Variants in RANBP17 observed in about 807,000 individuals in gnomAD.
RANBP17 encodes ran-binding protein 17.
Under a neutral mutation model 141.2 loss-of-function variants are expected in RANBP17, and 158 were observed. The ratio of observed to expected loss-of-function variants is 1.12; its 90% CI spans 0.98 to 1.28. The LOEUF (loss-of-function observed/expected upper bound fraction) is 1.28, where lower values mean the gene tolerates loss of function less well. RANBP17 is among the 50% of genes most tolerant of loss of function. The probability of loss-of-function intolerance (pLI) is 0.00; values close to 1 mark genes in which losing one functional copy is unlikely to be tolerated. For synonymous variants in RANBP17, 430 were observed against 450.0 expected, an observed-to-expected ratio of 0.96 and a Z score of 0.56; for missense variants, 1,438 against 1,290.7, an observed-to-expected ratio of 1.11 and a Z score of -1.75.
intron 14 of RANBP17, among the ~76,000 whole-genome samples, chr5:171,011,327 T>C (rs1780019179): frequency 6.6e-6 from 1 of 152,052 alleles, no homozygotes; most frequent in Non-Finnish European, 1.5e-5. Context: ...TGACCAGGTA[T>C]CATATGAGGA....
intron 14 of RANBP17, among the ~76,000 whole-genome samples, chr5:171,033,275 C>A (rs1468192998): frequency 3.3e-5 from 5 of 152,088 alleles, no homozygotes; most frequent in Non-Finnish European, 5.9e-5. Context: ...GGTCTTCACG[C>A]TCTTCAGTTG....
Position 170,945,272 on chromosome 5 carries a change from C to T in RANBP17, c.1469-8325C>T, listed in dbSNP as rs535896885. ...GAACTTAAAAATTCTTATTGTGTGA[C>T]TTCATTTTCTTGAGCAGCATCTGAC... On this transcript the variant is annotated intron_variant, in intron 12 of 27. Transcript: ENST00000523189. Among the ~76,000 whole-genome samples the T allele has an allele frequency of 3.0e-4, 45 of 152,208 alleles. No individual in the cohort carries two copies. In the Middle Eastern group the frequency reaches 0.01, roughly 35 times the overall value.
At chr5:171,113,987 T>A (rs1207174921) in intron 14 of RANBP17, among the ~76,000 whole-genome samples, 1 of 152,094 alleles carries the variant, frequency 6.6e-6, no homozygotes, top group African/African-American at 2.4e-5. Context: ...TTTCAGAAAA[T>A]ACAGCTTTTT....
intron 3 of RANBP17, among the ~76,000 whole-genome samples, chr5:170,890,925 A>G (rs1769542692): frequency 6.6e-6 from 1 of 152,220 alleles, no homozygotes; most frequent in Non-Finnish European, 1.5e-5. Flanking sequence ...GCTGGAGTGC[A>G]GTGGCATAGT....
chr5:171,297,946 C>G (rs1034851621), intron 27 of RANBP17, among the ~76,000 whole-genome samples: 50 of 148,802 alleles, frequency 3.4e-4, no homozygotes, highest in African/African-American at 1.1e-3. Flanking sequence ...ACCTCCACCT[C>G]CCAGATTCAA....
intron 22 of RANBP17, among the ~76,000 whole-genome samples, chr5:171,228,092 T>G (rs1763986570): frequency 6.6e-6 from 1 of 152,210 alleles, no homozygotes; most frequent in East Asian, 1.9e-4. Context: ...ATTTTGACTT[T>G]CAAGTCGTAT....
At chr5:170,992,875 A>G (rs1459499404) in intron 14 of RANBP17, among the ~76,000 whole-genome samples, 1 of 152,186 alleles carries the variant, frequency 6.6e-6, no homozygotes, top group African/African-American at 2.4e-5. Flanking sequence ...TTAAAAATGC[A>G]AATTCTCGAG....
chr5:171,082,542 G>T (rs1785320978), intron 14 of RANBP17, among the ~76,000 whole-genome samples: 1 of 151,998 alleles, frequency 6.6e-6, no homozygotes, highest in Admixed American at 6.6e-5. Context: ...TTTTTACACT[G>T]ACCCAGTACC....
At chr5:171,021,221 A>G (rs1460208191) in intron 14 of RANBP17, among the ~76,000 whole-genome samples, 1 of 152,040 alleles carries the variant, frequency 6.6e-6, no homozygotes, top group Non-Finnish European at 1.5e-5. Context: ...CTGCATTTCA[A>G]CCTTGGAGGA....
At chr5:171,174,277 C>T (rs941833315) in intron 16 of RANBP17, among the ~76,000 whole-genome samples, 4 of 152,228 alleles carry the variant, frequency 2.6e-5, no homozygotes, top group African/African-American at 9.6e-5. Context: ...TGAACAGGCA[C>T]AGAGCTGAAA....
At chr5:170,999,374 A>C (rs1779044913) in intron 14 of RANBP17, among the ~76,000 whole-genome samples, 1 of 152,130 alleles carries the variant, frequency 6.6e-6, no homozygotes, top group Non-Finnish European at 1.5e-5. Context: ...ATAAAGGCAC[A>C]TTATGTTCAA....
intron 5 of RANBP17, among the ~76,000 whole-genome samples, chr5:170,899,316 G>A (rs1770419002): frequency 6.6e-6 from 1 of 151,770 alleles, no homozygotes; most frequent in Non-Finnish European, 1.5e-5. Flanking sequence ...ATTTGGCTCT[G>A]TTCGTCTGTT....
intron 14 of RANBP17, among the ~76,000 whole-genome samples, chr5:171,035,243 T>G (rs1411583354): frequency 6.6e-6 from 1 of 152,104 alleles, no homozygotes; most frequent in East Asian, 1.9e-4. Flanking sequence ...ATGTAAGTGT[T>G]CTGAGAGAGA....
intron 14 of RANBP17, among the ~76,000 whole-genome samples, chr5:171,082,419 C>T (rs1273579757): frequency 4.6e-5 from 7 of 152,148 alleles, no homozygotes; most frequent in East Asian, 1.9e-4. Context: ...TTGTAAGAAA[C>T]ATTTCAACTT....
chr5:170,925,872 A>T (rs773953102), intron 12 of RANBP17, among the ~76,000 whole-genome samples: 10 of 152,168 alleles, frequency 6.6e-5, no homozygotes, highest in Non-Finnish European at 1.2e-4. Flanking sequence ...GCATATAGCT[A>T]TAGTTCCTTC....
At chr5:171,061,052 T>G in intron 14 of RANBP17, among the ~76,000 whole-genome samples, 1 of 151,964 alleles carries the variant, frequency 6.6e-6, no homozygotes, top group Non-Finnish European at 1.5e-5. Flanking sequence ...TCTTCTCTCT[T>G]TTTTTCTTCA....
chr5:171,177,752 C>T (rs1760583278), intron 16 of RANBP17, among the ~76,000 whole-genome samples: 8 of 152,026 alleles, frequency 5.3e-5, no homozygotes, highest in Admixed American at 5.2e-4. Flanking sequence ...TGTTTGTGAA[C>T]ACCTTGTTTT....
intron 3 of RANBP17, among the ~76,000 whole-genome samples, chr5:170,889,424 A>G (rs1417687137): frequency 6.6e-6 from 1 of 152,112 alleles, no homozygotes; most frequent in Non-Finnish European, 1.5e-5. Context: ...ATTATTACTA[A>G]AATATATGAT....
intron 22 of RANBP17, among the ~76,000 whole-genome samples, chr5:171,229,298 C>T (rs1764063703): frequency 6.6e-6 from 1 of 152,240 alleles, no homozygotes; most frequent in Non-Finnish European, 1.5e-5. Context: ...AGGTGGCTTA[C>T]AAAGCAAGGC....
Sources: allele counts gnomAD v4.1 joint callset (sites outside exome capture counted in the v4.1 genomes callset), GRCh38; gene constraint gnomAD v4.1.1; transcripts MANE v1.5; gene names NCBI Gene and HGNC (gene_info 2026-07-23, HGNC 2026-07-21).